DCTN1: variants seen among roughly 807,000 people sequenced by gnomAD.
DCTN1 encodes dynactin subunit 1.
In DCTN1, 61 loss-of-function variants were observed where a neutral mutation model predicts 161.2. The ratio of observed to expected loss-of-function variants is 0.38; its 90% CI spans 0.31 to 0.47. DCTN1 has a LOEUF of 0.47. Among genes scored for constraint, DCTN1 ranks in the 20% least tolerant of loss-of-function variants. The pLI, the probability that DCTN1 is intolerant of heterozygous loss-of-function variation, is 0.99. For synonymous variants in DCTN1, 653 were observed against 632.4 expected (o/e 1.03, Z -0.49); for missense variants, 1,404 against 1,623.7 (o/e 0.86, Z 2.33).
Position 74,365,086 on chromosome 2 carries a change from C to T in DCTN1, c.3185G>A (p.Gly1062Asp), listed in dbSNP as rs764918482. 9.9e-6 allele frequency: 16 copies of T among 1,613,962 alleles called. No homozygotes were observed. In the East Asian group the frequency reaches 3.3e-4, roughly 34 times the overall value. The change falls in exon 26 of 32, where the codon GGC (glycine) becomes GAC (aspartate). Residue 1062 changes from glycine (G) to aspartate (D), a missense_variant. Physicochemically the swap from Gly to Asp is moderately conservative, Grantham distance 94. This residue lies in a region of DCTN1 where 311 missense variants were observed against 298.9 expected (regional missense o/e 1.04). Transcript: ENST00000628224. ...PPSGIATLVSGIAGEEQQRGA... is the reference protein window; with the variant it reads ...PPSGIATLVSDIAGEEQQRGA... Reference sequence around the variant, plus strand: ...TCCACAGTACTCACCACCAGCAATGCCAGAGACCAGAGTAGCAATGCCTGA... The same window carrying T: ...TCCACAGTACTCACCACCAGCAATGTCAGAGACCAGAGTAGCAATGCCTGA...
At position 74,378,260 on chromosome 2, in the gene DCTN1, TA is replaced by T; in HGVS notation, c.34-16del. 1 of 1,603,686 alleles carries T rather than the reference TA, an allele frequency of 6.2e-7. No individual in the cohort carries two copies. The highest frequency in any genetic ancestry group is 1.9e-4 in the Middle Eastern group (1 of 5,334). ...CCGCTGGGCGTCTGAAAGACACAGG[TA>T]AACACAGACAGTTAGAGGCCTCAGA... On this transcript the variant is annotated splice_polypyrimidine_tract_variant and intron_variant, in intron 1 of 31. Transcript: ENST00000628224.
chr2:74,391,625 A>G, intron 1 of DCTN1: 1 of 360,622 alleles, frequency 2.8e-6, no homozygotes. Context: ...GGTGGGTCAG[A>G]CCGGCCTCGG....
chr2:74,372,069 T>G, intron 7 of DCTN1: 2 of 341,362 alleles, frequency 5.9e-6, no homozygotes, highest in African/African-American at 2.1e-5. Context: ...GAATCCGTTA[T>G]TCCCTAGAAC....
intron 5 of DCTN1, chr2:74,374,829 G>A (rs1675128691): frequency 3.3e-6 from 3 of 911,630 alleles, no homozygotes; most frequent in African/African-American, 1.8e-5. Flanking sequence ...TTTCTCCAAA[G>A]AACAGGTTTT....
In DCTN1 at chr2:74,371,614, G is replaced by A. The variant is rs1471513420; in HGVS notation, c.568C>T (p.Pro190Ser). 2 of 1,590,422 alleles carry A rather than the reference G, an allele frequency of 1.3e-6. No homozygotes were observed. Among genetic ancestry groups the A allele is most frequent in the African/African-American group, 2.7e-5 (2 of 74,676 alleles). ...GTGGGGATGATGGGTGCTGCCAGCG[G>A]AGTCTGAGCCGGGGTGCTGGGCTCA... ...SSEPSTPAQT[P>S]LAAPIIPTPV... The change falls in exon 8 of 32, where the codon CCG becomes TCG. Residue 190 changes from proline to serine, a missense_variant. Around this residue, in one of 9 missense-constraint regions of DCTN1, gnomAD observed 174 missense variants for 175.6 expected, o/e 0.99. Coordinates refer to ENST00000628224, the MANE Select transcript of DCTN1 (RefSeq NM_004082.5).
At chr2:74,365,851 CA>C in intron 24 of DCTN1, 41 bp downstream of exon 24, 1 of 1,614,078 alleles carries the variant, frequency 6.2e-7, no homozygotes, top group Non-Finnish European at 8.5e-7. Flanking sequence ...TGAGTCCTAC[CA>C]ATTTCCTGGC....
rs753892865 is a variant in DCTN1, at chr2:74,376,761, C to T, written c.395G>A (p.Arg132Gln). Residue 132 changes from arginine to glutamine, a missense_variant and splice_region_variant, in exon 5 of 32, where the codon CGG becomes CAG. Coordinates refer to ENST00000628224, the MANE Select transcript of DCTN1 (RefSeq NM_004082.5). The stretch of plus-strand genomic sequence containing the variant: ...CACCACCTTCTTAGGCTTCAGTCCC[C>T]GCTGCATGAGGAGTAGGAAAGGGCA... ...TDTTAKTSKL[R>Q]GLKPKKAPTA... 26 of 1,604,368 alleles carry T rather than the reference C, an allele frequency of 1.6e-5. No homozygotes were observed. Among genetic ancestry groups the T allele is most frequent in the South Asian group, 2.3e-5 (2 of 88,858 alleles).
Position 74,367,408 on chromosome 2 carries a change from T to C in DCTN1, c.2197A>G (p.Ile733Val). ...AIKYYQHLYSIHLAEQPEDCT... is the reference protein window; with the variant it reads ...AIKYYQHLYSVHLAEQPEDCT... ...TCCTCAGGCTGTTCGGCAAGGTGGATGCTGTACAGATGCTGAGGAGAGATA... is the reference window on the plus strand; with the variant it reads ...TCCTCAGGCTGTTCGGCAAGGTGGACGCTGTACAGATGCTGAGGAGAGATA... Residue 733 changes from isoleucine to valine, a missense_variant, in exon 19 of 32, where the codon ATC (isoleucine) becomes GTC (valine). Physicochemically the swap from Ile to Val is conservative, Grantham distance 29 (BLOSUM62 3). Transcript: ENST00000628224. 2 of 1,614,128 alleles carry C rather than the reference T, an allele frequency of 1.2e-6. No homozygotes were observed. Among genetic ancestry groups the C allele is most frequent in the South Asian group, 1.1e-5 (1 of 91,068 alleles).
rs149440626 is a variant in DCTN1, at chr2:74,362,713, C to G, written c.3546G>C (p.Ser1182=). The G allele has an allele frequency of 6.2e-7, 1 of 1,613,820 alleles. No individual in the cohort carries two copies. Among genetic ancestry groups the G allele is most frequent in the African/African-American group, 1.3e-5 (1 of 74,904 alleles). ...GAGCCACTTGCTCCATAAGTTGGGC[C>G]GACGGGCTCTTGGCAGCTGTGGGGA... ...TRTSPAAKSP[S]AQLMEQVAQL... Residue 1182 remains serine, a synonymous_variant, in exon 30 of 32, where the codon TCG becomes TCC. Coordinates refer to ENST00000628224, the MANE Select transcript of DCTN1 (RefSeq NM_004082.5).
chr2:74,369,992 G>A lies in DCTN1; in HGVS notation c.1365C>T (p.Arg455=). The A allele has an allele frequency of 6.2e-7, 1 of 1,614,026 alleles. No individual in the cohort carries two copies. The highest frequency in any genetic ancestry group is 8.5e-7 in the Non-Finnish European group (1 of 1,180,004). Residue 455 remains arginine, a synonymous_variant, in exon 13 of 32, where the codon CGC becomes CGT. Transcript: ENST00000628224. The surrounding 1 kb of genome is among the most constrained non-coding windows in gnomAD (Gnocchi z 4.9). ...DRNLNLEEKV[R]ELRETVGDLE... is the part of the protein sequence containing the mutation. ...AGTCTCCCACAGTCTCCCTCAACTC[G>A]CGCACTTTCTCTTCCAGATTCAGGT... is the stretch of plus-strand genomic sequence containing the variant.
chr2:74,367,163 T>C, intron 19 of DCTN1, 56 bp from the exon 20 acceptor site: 1 of 1,603,478 alleles, frequency 6.2e-7, no homozygotes, highest in Non-Finnish European at 8.5e-7. Flanking sequence ...TTCTGCCTTA[T>C]CAACATCTCT....
chr2:74,377,384 C>T lies in DCTN1; in HGVS notation c.393+48G>A, dbSNP rs768239329. The T allele has an allele frequency of 4.5e-6, 7 of 1,548,804 alleles. No individual in the cohort carries two copies. The East Asian group carries it at 9.0e-5, about 20-fold the overall frequency. ...AGCACTGGGTATCCCTCCTCTTTCT[C>T]CTTCCCCTCCCTTTATTATTCCCCA... On this transcript the variant is annotated intron_variant, in intron 4 of 31. Transcript: ENST00000628224.
chr2:74,383,230 A>T (rs1675592561), upstream of DCTN1, among the ~76,000 whole-genome samples: 1 of 152,264 alleles, frequency 6.6e-6, no homozygotes, highest in South Asian at 2.1e-4. Flanking sequence ...TAGCTGAAGT[A>T]ACGAATTGTA....
chr2:74,371,827 C>G, intron 7 of DCTN1, 99 bp from the exon 8 acceptor site: 2 of 982,168 alleles, frequency 2.0e-6, no homozygotes. Context: ...GGGAAGGAGA[C>G]AGAAAAGGGA....
Position 74,363,197 on chromosome 2 carries a change from G to C in DCTN1, c.3346-20C>G, listed in dbSNP as rs929912492. The C allele has an allele frequency of 1.2e-6, 2 of 1,613,980 alleles. No individual in the cohort carries two copies. The highest frequency in any genetic ancestry group is 1.7e-6 in the Non-Finnish European group (2 of 1,180,006). On this transcript the variant is annotated intron_variant, in intron 28 of 31. Transcript: ENST00000628224. ...GGCTCCCTGTGGATGAAAAAAGAAG[G>C]ATAGTGGTAAGAGGTGCTAGGAGGC...
chr2:74,365,193 C>A lies in DCTN1; in HGVS notation c.3078G>T (p.Leu1026=). Residue 1026 remains leucine, a synonymous_variant, in exon 26 of 32, where the codon CTG becomes CTT. Transcript: ENST00000628224. ...MDALQADIDQ[L]EAEKAELKQR... ...GCTTTAGTTCTGCCTTCTCTGCCTC[C>A]AGCTGGTCGATGTCAGCCTGGAGTG... 1 of 1,614,220 alleles carries A rather than the reference C, an allele frequency of 6.2e-7. No homozygotes were observed. Among genetic ancestry groups the A allele is most frequent in the Non-Finnish European group, 8.5e-7 (1 of 1,180,030 alleles).
At position 74,361,642 on chromosome 2, in the gene DCTN1, G is replaced by A. The variant is rs371163273; in HGVS notation, c.3700-6C>T. ...TCCTGCTGCTCCTCCTTGGCCTGGTGGTTGATGAGGAGAAAAAGACTCCAG... is the reference window on the plus strand; with the variant it reads ...TCCTGCTGCTCCTCCTTGGCCTGGTAGTTGATGAGGAGAAAAAGACTCCAG... On this transcript the variant is annotated splice_polypyrimidine_tract_variant and splice_region_variant and intron_variant, in intron 31 of 31. Coordinates refer to ENST00000628224, the MANE Select transcript of DCTN1 (RefSeq NM_004082.5). 12 of 1,613,986 alleles carry A rather than the reference G, an allele frequency of 7.4e-6. No homozygotes were observed. In the African/African-American group the frequency reaches 1.6e-4, roughly 22 times the overall value.
chr2:74,380,870 A>G (rs1468340543), upstream of DCTN1, among the ~76,000 whole-genome samples: 1 of 152,190 alleles, frequency 6.6e-6, no homozygotes, highest in Non-Finnish European at 1.5e-5. Flanking sequence ...TATGGTTGTT[A>G]TAAGGGGCCA....
intron 1 of DCTN1, 37 bp downstream of exon 1, chr2:74,379,968 C>G (rs367944556): frequency 1.2e-6 from 2 of 1,609,034 alleles, no homozygotes; most frequent in Non-Finnish European, 1.7e-6. Flanking sequence ...CCTTCCCCAG[C>G]AGCCCTCCAG....
Sources: allele counts gnomAD v4.1 joint callset (sites outside exome capture counted in the v4.1 genomes callset), GRCh38; gene constraint gnomAD v4.1.1; regional missense constraint gnomAD v4.1.1; non-coding constraint Gnocchi (gnomAD v3.1); transcripts MANE v1.5; gene names NCBI Gene and HGNC (gene_info 2026-07-23, HGNC 2026-07-21).